Variants in ZNF148 observed in about 807,000 individuals in gnomAD.
The protein encoded by ZNF148 is zinc finger protein 148, also known as Beta-Enolase Repressor Factor-1.
ZNF148 carries 7 observed loss-of-function variants against 67.7 expected under a neutral mutation model. That is an observed-to-expected ratio of 0.10 (90% CI 0.06 to 0.19). The LOEUF (loss-of-function observed/expected upper bound fraction) is 0.19. Among genes scored for constraint, ZNF148 ranks in the 10% least tolerant of loss-of-function variants. The probability of loss-of-function intolerance (pLI) is 1.00; values close to 1 mark genes in which losing one functional copy is unlikely to be tolerated. For synonymous variants in ZNF148, 333 were observed against 330.7 expected (o/e 1.01, Z -0.08); for missense variants, 583 against 947.1 (o/e 0.62, Z 5.05).
intron 1 of ZNF148, among the ~76,000 whole-genome samples, chr3:125,361,846 T>A (rs1431526084): frequency 2.9e-5 from 4 of 136,482 alleles, no homozygotes; most frequent in African/African-American, 8.4e-5. Flanking sequence ...AAAAAAAAAA[T>A]AGTTACAATC....
In ZNF148 at chr3:125,265,485, A is replaced by G. The variant is rs542814069; in HGVS notation, c.667+12241T>C. On this transcript the variant is annotated intron_variant, in intron 7 of 8. Coordinates refer to ENST00000360647, the MANE Select transcript of ZNF148 (RefSeq NM_021964.3). ...ATACCTTTCAGGTTCCTATAAGTCCATTGTCTATTTCTCCTAAATATCATT... is the reference window on the plus strand; with the variant it reads ...ATACCTTTCAGGTTCCTATAAGTCCGTTGTCTATTTCTCCTAAATATCATT... Among the ~76,000 whole-genome samples the G allele has an allele frequency of 5.3e-5, 8 of 152,348 alleles. No individual in the cohort carries two copies. The East Asian group carries it at 1.5e-3, about 29-fold the overall frequency.
At chr3:125,339,331 T>C (rs1290545342) in intron 1 of ZNF148, among the ~76,000 whole-genome samples, 1 of 152,220 alleles carries the variant, frequency 6.6e-6, no homozygotes, top group African/African-American at 2.4e-5. Context: ...AATACAAGAT[T>C]TTCAGTCTTT....
chr3:125,347,520 T>A (rs564141708), intron 1 of ZNF148, among the ~76,000 whole-genome samples: 1 of 152,256 alleles, frequency 6.6e-6, no homozygotes, highest in African/African-American at 2.4e-5. Flanking sequence ...GAGTCCAGAC[T>A]TAAATAACTA....
rs72973882 is a variant in ZNF148 at position 125,322,195 on chromosome 3, A to G, written c.-17+1114T>C. On this transcript the variant is annotated intron_variant, in intron 3 of 8. Transcript: ENST00000360647. ...CAGGGGCCCACCACCTCGCACGGCTAATTTTTTTTGTATGTAGAGACAGGG... is the reference window on the plus strand; with the variant it reads ...CAGGGGCCCACCACCTCGCACGGCTGATTTTTTTTGTATGTAGAGACAGGG... Among the ~76,000 whole-genome samples the G allele has an allele frequency of 2.4e-3, 371 of 151,882 alleles. 1 individual carries two copies. The highest frequency in any genetic ancestry group is 8.7e-3 in the African/African-American group (361 of 41,392).
At chr3:125,235,627 C>CT (rs1560103927) in intron 7 of ZNF148, among the ~76,000 whole-genome samples, 2 of 152,078 alleles carry the variant, frequency 1.3e-5, no homozygotes, top group Admixed American at 6.6e-5. Context: ...TTGAGTTAAA[C>CT]TTTTTTTAAA....
Position 125,232,928 on chromosome 3 carries a change from T to C in ZNF148, c.1798A>G (p.Asn600Asp). Residue 600 changes from asparagine (N) to aspartate (D), a missense_variant, in exon 9 of 9, where the codon AAC becomes GAC. By Grantham distance (23) the Asn-to-Asp change is conservative. This residue lies in a region of ZNF148 where 172 missense variants were observed against 307.7 expected (regional missense o/e 0.56). Transcript: ENST00000360647. This position sits in a 1 kb window ranked among gnomAD's most constrained non-coding sequence, Gnocchi z 4.2. ...SSQASSSDKA[N>D]MLQEYSKFLQ... ...AACTTGGAGTATTCCTGCAACATGTTGGCTTTATCTGATGAGGATGCTTGG... is the reference window on the plus strand; with the variant it reads ...AACTTGGAGTATTCCTGCAACATGTCGGCTTTATCTGATGAGGATGCTTGG... The C allele has an allele frequency of 6.2e-7, 1 of 1,613,852 alleles. No individual in the cohort carries two copies. The highest frequency in any genetic ancestry group is 2.2e-5 in the East Asian group (1 of 44,884).
intron 4 of ZNF148, among the ~76,000 whole-genome samples, 154 bp downstream of exon 4, chr3:125,313,154 C>T (rs1391578231): frequency 6.6e-6 from 1 of 152,084 alleles, no homozygotes; most frequent in Non-Finnish European, 1.5e-5. Flanking sequence ...TTAATTTTGC[C>T]TTTCAAATAT....
intron 4 of ZNF148, among the ~76,000 whole-genome samples, chr3:125,308,317 T>C (rs1579763548): frequency 6.6e-6 from 1 of 152,120 alleles, no homozygotes; most frequent in East Asian, 1.9e-4. Flanking sequence ...ACCAAAACCA[T>C]GAAATACTTA....
intron 7 of ZNF148, among the ~76,000 whole-genome samples, chr3:125,253,767 G>C (rs1936950465): frequency 6.6e-6 from 1 of 152,100 alleles, no homozygotes; most frequent in Non-Finnish European, 1.5e-5. Flanking sequence ...TTGAAAAGTT[G>C]ATGTTGTCAT....
chr3:125,289,526 C>A (rs920947482), intron 4 of ZNF148, among the ~76,000 whole-genome samples: 1 of 152,124 alleles, frequency 6.6e-6, no homozygotes, highest in Non-Finnish European at 1.5e-5. Flanking sequence ...CTACAAAATA[C>A]GATGGTAAAA....
At chr3:125,323,026 C>T (rs866227203) in intron 3 of ZNF148, among the ~76,000 whole-genome samples, 1 of 152,098 alleles carries the variant, frequency 6.6e-6, no homozygotes, top group Admixed American at 6.6e-5. Flanking sequence ...GTAAAAAATG[C>T]TATACCCTGT....
chr3:125,287,875 G>T (rs918139204), intron 5 of ZNF148, among the ~76,000 whole-genome samples: 2 of 152,142 alleles, frequency 1.3e-5, no homozygotes, highest in Non-Finnish European at 2.9e-5. Flanking sequence ...ATCCGATAGA[G>T]ATATGGAAAA....
intron 1 of ZNF148, among the ~76,000 whole-genome samples, chr3:125,363,648 T>C (rs1003155157): frequency 6.6e-6 from 1 of 151,870 alleles, no homozygotes; most frequent in Non-Finnish European, 1.5e-5. Context: ...ATACCCTCAA[T>C]ACTTCACACT....
chr3:125,272,060 C>T (rs1937772496), intron 7 of ZNF148, among the ~76,000 whole-genome samples: 1 of 152,134 alleles, frequency 6.6e-6, no homozygotes, highest in Non-Finnish European at 1.5e-5. Flanking sequence ...GCTTTACTAC[C>T]TATGGTTCCT....
At chr3:125,262,784 A>C (rs1424089784) in intron 7 of ZNF148, among the ~76,000 whole-genome samples, 5 of 152,246 alleles carry the variant, frequency 3.3e-5, no homozygotes, top group Non-Finnish European at 5.9e-5. Context: ...TAGCTGACAG[A>C]AATTCATGGA....
intron 4 of ZNF148, among the ~76,000 whole-genome samples, chr3:125,308,792 C>A (rs1335008913): frequency 6.6e-6 from 1 of 152,092 alleles, no homozygotes; most frequent in Non-Finnish European, 1.5e-5. Context: ...AAGACTTGTA[C>A]AACAATTTTC....
intron 7 of ZNF148, among the ~76,000 whole-genome samples, chr3:125,262,341 A>C (rs1167802034): frequency 6.6e-6 from 1 of 152,244 alleles, no homozygotes; most frequent in African/African-American, 2.4e-5. Context: ...CTGAAATATG[A>C]AAACTTTCTT....
At position 125,237,836 on chromosome 3, in the gene ZNF148, T is replaced by C. The variant is rs532305529; in HGVS notation, c.668-3507A>G. 2.6e-5 allele frequency among the ~76,000 whole-genome samples: 4 copies of C among 152,268 alleles called. No homozygotes were observed. The East Asian group carries it at 5.8e-4, about 22-fold the overall frequency. On this transcript the variant is annotated intron_variant, in intron 7 of 8. Transcript: ENST00000360647. ...CGCATCTAAAAGAGCCAAAACTATC[T>C]TGAAAAAGAAGAATGAAGCAGGAGG...
chr3:125,276,433 T>TTTA (rs879613467), intron 7 of ZNF148, among the ~76,000 whole-genome samples: 42 of 151,540 alleles, frequency 2.8e-4, no homozygotes, highest in South Asian at 6.3e-4. Context: ...TATTTATTTA[T>TTTA]TTTATTTATT....
Sources: gnomAD v4.1 joint callset for allele counts (sites outside exome capture counted in the v4.1 genomes callset) on GRCh38, gnomAD v4.1.1 for gene constraint, gnomAD v4.1.1 regional missense constraint, Gnocchi (gnomAD v3.1) non-coding constraint, MANE v1.5 for transcripts, NCBI Gene and HGNC (gene_info 2026-07-23, HGNC 2026-07-21) for gene names.